The following ADAMTSL1 variants were observed in gnomAD, a reference collection of about 807,000 sequenced individuals.
ADAMTSL1 encodes ADAMTS like 1.
ADAMTSL1 carries 126 observed loss-of-function variants against 201.8 expected under a neutral mutation model. The observed-to-expected ratio is 0.62, with a 90% CI of 0.54 to 0.72. The LOEUF is 0.72. Ranked by LOEUF, ADAMTSL1 falls within the 30% of genes least tolerant of loss-of-function variation. ADAMTSL1 has a pLI of 0.00. For synonymous variants in ADAMTSL1, 1,121 were observed against 903.4 expected (o/e 1.24, Z -4.32); for missense variants, 2,679 against 2,277.8 (o/e 1.18, Z -3.59).
At chr9:18,877,220 C>T (rs779227186) in intron 23 of ADAMTSL1, among the ~76,000 whole-genome samples, 2 of 152,100 alleles carry the variant, frequency 1.3e-5, no homozygotes, top group Non-Finnish European at 2.9e-5. Context: ...TAATAATTAA[C>T]ATTGTGAATT....
Position 18,099,353 on chromosome 9 carries a change from ATATTTTT to A in ADAMTSL1, c.88-64507_88-64501del, listed in dbSNP as rs1359651160. ...TATATATATATATATATATATATATATATTTTTTTTTTTTTTTTTAACATCCATTAAT... is the reference window on the plus strand; with the variant it reads ...TATATATATATATATATATATATATATTTTTTTTTTTTAACATCCATTAAT... On this transcript the variant is annotated intron_variant, in intron 1 of 29. Coordinates refer to the ADAMTSL1 transcript ENST00000680146. Among the ~76,000 whole-genome samples the A allele has an allele frequency of 1.5e-4, 7 of 45,858 alleles. No individual in the cohort carries two copies. The South Asian group carries it at 3.6e-3, about 23-fold the overall frequency. The allele number at this position is 45,858 out of a possible 152,430, so 30.1% of individuals were successfully genotyped here. A position where few individuals can be genotyped will look rare whatever the true frequency, so the allele number is the denominator to read the frequency against.
At chr9:18,130,565 G>A (rs10963464) in intron 1 of ADAMTSL1, among the ~76,000 whole-genome samples, 22,728 of 152,022 alleles carry the variant, frequency 0.15, 2,105 homozygotes, top group East Asian at 0.34. Flanking sequence ...ATGATTTCCT[G>A]TAAGTTCATA....
chr9:18,362,220 A>C (rs190250906), intron 2 of ADAMTSL1: 1 of 152,366 alleles, frequency 6.6e-6, no homozygotes, highest in East Asian at 1.9e-4. Context: ...CTCACCTAAC[A>C]CTGGAATATA....
chr9:18,319,860 A>C (rs183052859), intron 2 of ADAMTSL1, among the ~76,000 whole-genome samples: 1 of 152,198 alleles, frequency 6.6e-6, no homozygotes, highest in African/African-American at 2.4e-5. Flanking sequence ...AATTCAGGAT[A>C]TGGGCATGGA....
intron 1 of ADAMTSL1, among the ~76,000 whole-genome samples, chr9:17,913,035 G>A (rs889004189): frequency 9.2e-5 from 14 of 151,930 alleles, no homozygotes; most frequent in African/African-American, 3.4e-4. Context: ...GTTCTGTTCT[G>A]TTCTGTTTCA....
chr9:18,905,702 C>G (rs1408106608), intron 26 of ADAMTSL1, 80 bp from the exon 27 acceptor site: 8 of 1,071,432 alleles, frequency 7.5e-6, no homozygotes, highest in Non-Finnish European at 8.4e-6. Flanking sequence ...AAGGATCGTG[C>G]ATGCCATGCA....
intron 2 of ADAMTSL1, among the ~76,000 whole-genome samples, chr9:18,384,573 T>C (rs892250331): frequency 2.0e-5 from 3 of 152,174 alleles, no homozygotes; most frequent in Non-Finnish European, 2.9e-5. Context: ...AACACCCTCA[T>C]AGGCATCAGG....
At chr9:18,682,612 TTGTC>T (rs1444657320) in intron 12 of ADAMTSL1, among the ~76,000 whole-genome samples, 1 of 152,224 alleles carries the variant, frequency 6.6e-6, no homozygotes, top group Non-Finnish European at 1.5e-5. Flanking sequence ...GTATTGTTAC[TTGTC>T]TGTGTCAATG....
At chr9:18,073,013 TTTAG>T (rs1435319097) in intron 1 of ADAMTSL1, among the ~76,000 whole-genome samples, 3 of 152,156 alleles carry the variant, frequency 2.0e-5, no homozygotes, top group Non-Finnish European at 4.4e-5. Context: ...GAAGCTGATA[TTTAG>T]TTAGTTTCTC....
At chr9:18,059,288 G>T (rs1478763225) in intron 1 of ADAMTSL1, among the ~76,000 whole-genome samples, 3 of 152,130 alleles carry the variant, frequency 2.0e-5, no homozygotes, top group Non-Finnish European at 2.9e-5. Context: ...TTCAGTGCTT[G>T]TGTTGCAACT....
intron 22 of ADAMTSL1, among the ~76,000 whole-genome samples, chr9:18,828,681 TATATATATATATAA>T (rs1175141422): frequency 0.043 from 4,999 of 115,500 alleles, 579 homozygotes; most frequent in African/African-American, 0.15. Context: ...TATATATATA[TATATATATATATAA>T]AATGTGTGTG....
At chr9:18,541,985 A>G (rs1271027887) in intron 3 of ADAMTSL1, among the ~76,000 whole-genome samples, 1 of 152,234 alleles carries the variant, frequency 6.6e-6, no homozygotes, top group East Asian at 1.9e-4. Context: ...GTTTTTAATA[A>G]TCCCCAGAAT....
At chr9:18,313,864 C>G (rs1262583959) in intron 2 of ADAMTSL1, among the ~76,000 whole-genome samples, 1 of 152,106 alleles carries the variant, frequency 6.6e-6, no homozygotes, top group Non-Finnish European at 1.5e-5. Context: ...AGCTTCTGCA[C>G]AGCAAACAGT....
intron 1 of ADAMTSL1, among the ~76,000 whole-genome samples, chr9:17,952,013 C>G (rs544103485): frequency 3.3e-5 from 5 of 151,940 alleles, no homozygotes; most frequent in Non-Finnish European, 5.9e-5. Context: ...ATTGCCCAGG[C>G]TAGTCTTGAA....
intron 2 of ADAMTSL1, among the ~76,000 whole-genome samples, chr9:18,172,424 C>T (rs1168637729): frequency 2.0e-5 from 3 of 151,994 alleles, no homozygotes; most frequent in African/African-American, 7.2e-5. Context: ...ATTAAAATAA[C>T]AGAAATAGCA....
chr9:18,487,233 A>G (rs1012148530), intron 1 of ADAMTSL1, among the ~76,000 whole-genome samples: 6 of 152,238 alleles, frequency 3.9e-5, no homozygotes, highest in Non-Finnish European at 7.3e-5. Context: ...TATTAATCAG[A>G]TTGCTAAGGC....
chr9:18,083,952 T>C (rs1163023449), intron 1 of ADAMTSL1, among the ~76,000 whole-genome samples: 1 of 152,132 alleles, frequency 6.6e-6, no homozygotes. Flanking sequence ...GTACTCTGGA[T>C]GAGAGTGAGT....
chr9:18,868,101 C>T (rs1827655844), intron 23 of ADAMTSL1, among the ~76,000 whole-genome samples: 1 of 152,048 alleles, frequency 6.6e-6, no homozygotes, highest in Non-Finnish European at 1.5e-5. Flanking sequence ...TATAATGTTT[C>T]ATCTGCTATT....
At chr9:18,306,274 A>C (rs1270491549) in intron 2 of ADAMTSL1, among the ~76,000 whole-genome samples, 1 of 152,178 alleles carries the variant, frequency 6.6e-6, no homozygotes, top group Admixed American at 6.5e-5. Context: ...CAAAAATCAG[A>C]ATGCTTCTTC....
Sources: gnomAD v4.1 joint callset for allele counts (sites outside exome capture counted in the v4.1 genomes callset) on GRCh38, gnomAD v4.1.1 for gene constraint, MANE v1.5 for transcripts, NCBI Gene and HGNC (gene_info 2026-07-23, HGNC 2026-07-21) for gene names.